ST18: variants seen among roughly 807,000 people sequenced by gnomAD.
The protein encoded by ST18 is suppression of tumorigenicity 18 protein.
Under a neutral mutation model 110.0 loss-of-function variants are expected in ST18, and 50 were observed. The observed-to-expected ratio is 0.45, with a 90% CI of 0.36 to 0.58. The LOEUF (loss-of-function observed/expected upper bound fraction) is 0.58. ST18 is among the 20% of genes least tolerant of loss of function. The probability of loss-of-function intolerance (pLI) is 0.00; values close to 1 mark genes in which losing one functional copy is unlikely to be tolerated. For missense variants in ST18, 1,306 were observed against 1,280.1 expected, an observed-to-expected ratio of 1.02 and a Z score of -0.31; for synonymous variants, 461 against 452.4, an observed-to-expected ratio of 1.02 and a Z score of -0.24.
At chr8:52,322,970 T>C (rs559714725) in intron 2 of ST18, among the ~76,000 whole-genome samples, 1 of 152,288 alleles carries the variant, frequency 6.6e-6, no homozygotes, top group Non-Finnish European at 1.5e-5. Flanking sequence ...TAGTGATAGC[T>C]CTTCACTGAG....
intron 2 of ST18, among the ~76,000 whole-genome samples, chr8:52,376,384 C>T (rs2140737241): frequency 6.6e-6 from 1 of 152,270 alleles, no homozygotes; most frequent in South Asian, 2.1e-4. Context: ...TTGCCCATGA[C>T]ACTTTTCTCC....
At chr8:52,137,830 T>C in intron 17 of ST18, 1 of 211,998 alleles carries the variant, frequency 4.7e-6, no homozygotes, top group Non-Finnish European at 9.5e-6. Flanking sequence ...TTGCCGGGCA[T>C]GGTGGCTCAC....
At chr8:52,350,965 C>T (rs1320203092) in intron 2 of ST18, among the ~76,000 whole-genome samples, 4 of 152,030 alleles carry the variant, frequency 2.6e-5, no homozygotes, top group Non-Finnish European at 4.4e-5. Flanking sequence ...CATCATCTGC[C>T]TGCCTCGGCC....
intron 2 of ST18, among the ~76,000 whole-genome samples, chr8:52,253,936 C>T (rs879485714): frequency 2.6e-5 from 4 of 151,530 alleles, no homozygotes; most frequent in African/African-American, 4.9e-5. Flanking sequence ...AGATACAATA[C>T]GCTTTTTTGT....
intron 2 of ST18, among the ~76,000 whole-genome samples, chr8:52,253,761 G>T (rs966917315): frequency 9.9e-5 from 15 of 151,972 alleles, no homozygotes; most frequent in African/African-American, 3.4e-4. Context: ...AATTATTTCT[G>T]CTTTACTTTT....
At chr8:52,194,155 T>A (rs922291388) in intron 8 of ST18, among the ~76,000 whole-genome samples, 1 of 152,098 alleles carries the variant, frequency 6.6e-6, no homozygotes, top group African/African-American at 2.4e-5. Flanking sequence ...ATTTTTTTCA[T>A]AAAATAACCA....
chr8:52,336,129 T>C (rs1811932011), intron 2 of ST18, among the ~76,000 whole-genome samples: 1 of 152,168 alleles, frequency 6.6e-6, no homozygotes, highest in Non-Finnish European at 1.5e-5. Flanking sequence ...ATGTCCCCAC[T>C]GCTTCTTGGA....
chr8:52,353,946 A>G (rs1469385002), intron 2 of ST18, among the ~76,000 whole-genome samples: 1 of 152,206 alleles, frequency 6.6e-6, no homozygotes, highest in African/African-American at 2.4e-5. Flanking sequence ...ATGCCTCTCT[A>G]TTTCTCAGCC....
chr8:52,213,694 C>T (rs1175139614), intron 7 of ST18, among the ~76,000 whole-genome samples: 6 of 152,078 alleles, frequency 3.9e-5, no homozygotes, highest in Admixed American at 3.9e-4. Context: ...GAGAGATAAC[C>T]AGCAAGTTAA....
At chr8:52,160,733 C>T (rs958248258) in intron 14 of ST18, among the ~76,000 whole-genome samples, 2 of 152,176 alleles carry the variant, frequency 1.3e-5, no homozygotes, top group Non-Finnish European at 2.9e-5. Flanking sequence ...AGGTTTCATA[C>T]ACTATACCAT....
intron 2 of ST18, among the ~76,000 whole-genome samples, chr8:52,348,923 C>T (rs1166895316): frequency 1.3e-5 from 2 of 152,118 alleles, no homozygotes; most frequent in African/African-American, 4.8e-5. Context: ...ATTTACAATA[C>T]CATATTGTAC....
At chr8:52,254,578 A>T (rs963751291) in intron 2 of ST18, among the ~76,000 whole-genome samples, 2 of 152,186 alleles carry the variant, frequency 1.3e-5, no homozygotes, top group South Asian at 4.1e-4. Flanking sequence ...GTCATCATGC[A>T]AATGAGATGG....
At chr8:52,350,997 G>A (rs1021843500) in intron 2 of ST18, among the ~76,000 whole-genome samples, 3 of 152,106 alleles carry the variant, frequency 2.0e-5, no homozygotes, top group Non-Finnish European at 4.4e-5. Context: ...TGGGATTACA[G>A]GCGTGAGCCA....
At chr8:52,144,573 GT>G (rs1425577992) in intron 16 of ST18, among the ~76,000 whole-genome samples, 6 of 152,026 alleles carry the variant, frequency 3.9e-5, no homozygotes, top group Non-Finnish European at 8.8e-5. Flanking sequence ...TTGGTACACT[GT>G]CTCAAGTGAC....
intron 22 of ST18, among the ~76,000 whole-genome samples, chr8:52,127,975 AT>A (rs11393476): frequency 0.068 from 10,095 of 147,582 alleles, 760 homozygotes; most frequent in African/African-American, 0.19. Flanking sequence ...ATATTAAGGG[AT>A]TTTTTTTTTT....
rs2083272925 is a variant in ST18 at position 52,214,213 on chromosome 8, T to C, written c.45A>G (p.Lys15=). 6.2e-7 allele frequency: 1 copy of C among 1,614,010 alleles called. No homozygotes were observed. Among genetic ancestry groups the C allele is most frequent in the South Asian group, 1.1e-5 (1 of 91,080 alleles). The change falls in exon 7 of 26, where the codon AAA becomes AAG. Residue 15 remains lysine, a synonymous_variant. Coordinates refer to ENST00000689386, the MANE Select transcript of ST18 (RefSeq NM_001352837.2). ...AEDKTLRTRS[K]GTEVPMDSLI... is the part of the protein sequence containing the mutation. Reference sequence around the variant, plus strand: ...TGCTTGCTAACTCACCCTCGGTTCCTTTAGAGCGAGTACGCAGCGTTTTAT... The same window carrying C: ...TGCTTGCTAACTCACCCTCGGTTCCCTTAGAGCGAGTACGCAGCGTTTTAT...
chr8:52,311,263 T>A (rs967644499), intron 2 of ST18, among the ~76,000 whole-genome samples: 2 of 152,222 alleles, frequency 1.3e-5, no homozygotes, highest in African/African-American at 4.8e-5. Context: ...TTGAAGGGCA[T>A]CTTTCACAGT....
At chr8:52,236,504 G>T (rs2092696264) in intron 2 of ST18, among the ~76,000 whole-genome samples, 1 of 151,912 alleles carries the variant, frequency 6.6e-6, no homozygotes, top group East Asian at 1.9e-4. Flanking sequence ...CAGCTACTTG[G>T]GGAGGCTGAG....
rs543693481 is a variant in ST18, at chr8:52,255,905, C to T, written c.-464-25828G>A. ...AAGATCTAAATAAATTGTTCAAGGTCCCTTGGCCCATTGCTCCCTCACAGT... is the reference window on the plus strand; with the variant it reads ...AAGATCTAAATAAATTGTTCAAGGTTCCTTGGCCCATTGCTCCCTCACAGT... On this transcript the variant is annotated intron_variant, in intron 2 of 25. Coordinates refer to ENST00000689386, the MANE Select transcript of ST18 (RefSeq NM_001352837.2). Among the ~76,000 whole-genome samples, 5 of 152,328 alleles carry T rather than the reference C, an allele frequency of 3.3e-5. No homozygotes were observed. In the East Asian group the frequency reaches 9.6e-4, roughly 29 times the overall value.
Sources: allele counts gnomAD v4.1 joint callset (sites outside exome capture counted in the v4.1 genomes callset), GRCh38; gene constraint gnomAD v4.1.1; transcripts MANE v1.5; gene names NCBI Gene and HGNC (gene_info 2026-07-23, HGNC 2026-07-21).